OPHN1: variants seen among roughly 807,000 people sequenced by gnomAD.
OPHN1 encodes the protein oligophrenin 1.
A neutral mutation model predicts 60.7 loss-of-function variants in OPHN1; 11 were observed. That is an observed-to-expected ratio of 0.18 (90% CI 0.11 to 0.30). The LOEUF is 0.30. Among genes scored for constraint, OPHN1 ranks in the 10% least tolerant of loss-of-function variants. The pLI, the probability that OPHN1 is intolerant of heterozygous loss-of-function variation, is 1.00. For synonymous variants in OPHN1, 226 were observed against 222.6 expected, an observed-to-expected ratio of 1.02 and a Z score of -0.14; for missense variants, 449 against 611.0, an observed-to-expected ratio of 0.73 and a Z score of 2.80.
chrX:68,245,048 A>G (rs2077798642), intron 5 of OPHN1, among the ~76,000 whole-genome samples: 1 of 111,807 alleles, frequency 8.9e-6, no homozygotes, highest in Non-Finnish European at 1.9e-5. Context: ...CTTAAACAAA[A>G]ATCTTAACCT....
At chrX:68,093,755 A>C (rs964579774) in intron 19 of OPHN1, among the ~76,000 whole-genome samples, 2 of 111,156 alleles carry the variant, frequency 1.8e-5, no homozygotes, top group African/African-American at 6.5e-5. Flanking sequence ...CTTTCTAATT[A>C]GATTGAATTT....
At chrX:68,396,593 T>C (rs1469896046) in intron 2 of OPHN1, among the ~76,000 whole-genome samples, 1 of 109,351 alleles carries the variant, frequency 9.1e-6, no homozygotes, top group Non-Finnish European at 1.9e-5. Context: ...GGCAGGCGGA[T>C]CACCTGAGGT....
chrX:68,052,507 T>C, intron 23 of OPHN1, 33 bp downstream of exon 23: 1 of 1,177,131 alleles, frequency 8.5e-7, no homozygotes. Flanking sequence ...TAAAAGGCGA[T>C]TTGGTTTTTC....
At chrX:68,084,184 G>C (rs2076986013) in intron 19 of OPHN1, among the ~76,000 whole-genome samples, 1 of 109,014 alleles carries the variant, frequency 9.2e-6, no homozygotes, top group Non-Finnish European at 1.9e-5. Context: ...ATAAAGCAAG[G>C]TATACCTGAT....
At chrX:68,410,859 A>C (rs2147777286) in intron 2 of OPHN1, among the ~76,000 whole-genome samples, 1 of 112,026 alleles carries the variant, frequency 8.9e-6, no homozygotes, top group South Asian at 3.7e-4. Context: ...ATAGCCAAAA[A>C]GTGGAAGCAA....
chrX:68,221,393 C>A (rs12688643), intron 6 of OPHN1, among the ~76,000 whole-genome samples: 1,139 of 9,590 alleles, frequency 0.12, 327 homozygotes, highest in East Asian at 0.71. Flanking sequence ...CCATCAATCT[C>A]CCAATGACTT....
At chrX:68,209,135 G>A (rs1245737245) in intron 9 of OPHN1, among the ~76,000 whole-genome samples, 3 of 112,034 alleles carry the variant, frequency 2.7e-5, no homozygotes, top group East Asian at 5.6e-4. Flanking sequence ...ATAACTCTGG[G>A]CAAAAACTGA....
intron 15 of OPHN1, among the ~76,000 whole-genome samples, chrX:68,181,785 G>A (rs530055786): frequency 1.3e-4 from 14 of 111,659 alleles, no homozygotes; most frequent in East Asian, 2.8e-4. Flanking sequence ...CTAAGATTGC[G>A]CCACTGCACT....
chrX:68,235,695 A>AT (rs1267451427), intron 5 of OPHN1, among the ~76,000 whole-genome samples: 1 of 108,684 alleles, frequency 9.2e-6, no homozygotes, highest in Admixed American at 9.9e-5. Context: ...AAAAAAAAAA[A>AT]AAGAGAAAAA....
intron 2 of OPHN1, among the ~76,000 whole-genome samples, chrX:68,354,607 T>C (rs1229650724): frequency 9.7e-6 from 1 of 103,494 alleles, no homozygotes; most frequent in Admixed American, 1.1e-4. Flanking sequence ...AAAAAAAAAA[T>C]AGCTGGGCGT....
At chrX:68,344,248 A>T (rs928268476) in intron 2 of OPHN1, among the ~76,000 whole-genome samples, 3 of 111,839 alleles carry the variant, frequency 2.7e-5, no homozygotes, top group Non-Finnish European at 5.6e-5. Context: ...CCTTTCATCG[A>T]CCAACCAATG....
chrX:68,178,918 T>G (rs2077425315), intron 15 of OPHN1, among the ~76,000 whole-genome samples: 1 of 112,090 alleles, frequency 8.9e-6, no homozygotes, highest in Non-Finnish European at 1.9e-5. Flanking sequence ...CCAGATATTT[T>G]TCATCGTGAC....
intron 2 of OPHN1, among the ~76,000 whole-genome samples, chrX:68,379,640 G>T (rs1357376808): frequency 9.2e-6 from 1 of 108,790 alleles, no homozygotes; most frequent in African/African-American, 3.4e-5. Context: ...TTAGCATGAA[G>T]GGCTGTTGAA....
chrX:68,317,682 G>A (rs1332827959), intron 2 of OPHN1, among the ~76,000 whole-genome samples: 2 of 103,771 alleles, frequency 1.9e-5, no homozygotes, highest in African/African-American at 3.5e-5. Context: ...GGAGGAGGAG[G>A]AAGGGAGAGA....
chrX:68,226,444 T>C (rs190815469), intron 6 of OPHN1, among the ~76,000 whole-genome samples: 4 of 110,579 alleles, frequency 3.6e-5, no homozygotes, highest in Admixed American at 9.7e-5. Context: ...TCACCAAAGT[T>C]GAAATGAAGG....
At position 68,194,584 on chromosome X, in the gene OPHN1, C is replaced by T. The variant is rs145196238; in HGVS notation, c.1105-86G>A. 0.014 allele frequency: 11,389 copies of T among 813,375 alleles called. 69 individuals carry two copies. The highest frequency in any genetic ancestry group is 0.018 in the Non-Finnish European group (9,828 of 545,742). 67.0% of individuals were successfully genotyped at this position (813,375 alleles called of 1,213,427 possible). On this transcript the variant is annotated intron_variant, in intron 12 of 24. Transcript: ENST00000355520. ...GAACATAATATTAAATATCTTTCCC[C>T]AGATAGGCATTAAAAATGATTAGAA...
intron 16 of OPHN1, among the ~76,000 whole-genome samples, chrX:68,118,618 AT>A (rs1162119663): frequency 8.9e-6 from 1 of 112,068 alleles, no homozygotes; most frequent in Non-Finnish European, 1.9e-5. Context: ...TGTTTAAAAA[AT>A]ATATATGTCT....
At chrX:68,428,011 T>C (rs770941788) in intron 2 of OPHN1, among the ~76,000 whole-genome samples, 1 of 110,439 alleles carries the variant, frequency 9.1e-6, no homozygotes, top group Admixed American at 9.7e-5. Context: ...GTAATCCAGC[T>C]CCTCAGGAGC....
At chrX:68,235,535 A>G (rs2077748374) in intron 5 of OPHN1, among the ~76,000 whole-genome samples, 1 of 110,753 alleles carries the variant, frequency 9.0e-6, no homozygotes, top group Admixed American at 9.7e-5. Flanking sequence ...GTGACCTGTG[A>G]CATATAAGAA....
Sources: allele counts gnomAD v4.1 joint callset (sites outside exome capture counted in the v4.1 genomes callset), GRCh38; gene constraint gnomAD v4.1.1; transcripts MANE v1.5; gene names NCBI Gene and HGNC (gene_info 2026-07-23, HGNC 2026-07-21).